OPCML: variants seen among roughly 807,000 people sequenced by gnomAD.
OPCML encodes opioid binding protein/cell adhesion molecule like.
OPCML carries 13 observed loss-of-function variants against 37.8 expected under a neutral mutation model. The observed-to-expected ratio is 0.34, with a 90% CI of 0.22 to 0.55. OPCML has a LOEUF of 0.55. Ranked by LOEUF, OPCML falls within the 20% of genes least tolerant of loss-of-function variation. The pLI is 0.91. For missense variants in OPCML, 341 were observed against 435.6 expected (o/e 0.78, Z 1.93); for synonymous variants, 176 against 168.8 (o/e 1.04, Z -0.33).
chr11:132,689,807 G>T (rs887090588), intron 2 of OPCML, among the ~76,000 whole-genome samples: 1 of 152,114 alleles, frequency 6.6e-6, no homozygotes, highest in Non-Finnish European at 1.5e-5. Context: ...TACATCAATG[G>T]AAAGAATGGG....
chr11:133,104,665 T>A (rs1949131557), intron 1 of OPCML, among the ~76,000 whole-genome samples: 1 of 152,222 alleles, frequency 6.6e-6, no homozygotes, highest in Admixed American at 6.5e-5. Flanking sequence ...TCAGCTGGTG[T>A]TAGGTTTTAT....
chr11:132,653,853 C>A (rs1386860493), intron 3 of OPCML, among the ~76,000 whole-genome samples: 1 of 152,152 alleles, frequency 6.6e-6, no homozygotes, highest in Non-Finnish European at 1.5e-5. Flanking sequence ...TACATAAACA[C>A]CTTTTGTTTT....
chr11:133,124,396 A>G (rs1949468452), intron 1 of OPCML, among the ~76,000 whole-genome samples: 1 of 152,114 alleles, frequency 6.6e-6, no homozygotes, highest in Admixed American at 6.5e-5. Context: ...AGGGCACCCT[A>G]GACCCATCTT....
intron 1 of OPCML, among the ~76,000 whole-genome samples, chr11:133,203,117 G>A (rs920683843): frequency 5.9e-5 from 9 of 152,284 alleles, no homozygotes; most frequent in African/African-American, 2.2e-4. Flanking sequence ...TGCCCGAGAT[G>A]ATAAATAACA....
intron 3 of OPCML, among the ~76,000 whole-genome samples, chr11:132,537,414 T>C (rs1348514921): frequency 6.6e-6 from 1 of 152,156 alleles, no homozygotes. Context: ...CCCTACTTCA[T>C]ACCATATACA....
chr11:133,531,001 TA>T (rs1195319146), intron 1 of OPCML, among the ~76,000 whole-genome samples: 1 of 152,234 alleles, frequency 6.6e-6, no homozygotes, highest in Non-Finnish European at 1.5e-5. Flanking sequence ...GGTAAGGTTT[TA>T]AAATCTTAGC....
chr11:132,976,643 G>T (rs1946471007), intron 1 of OPCML, among the ~76,000 whole-genome samples: 1 of 152,120 alleles, frequency 6.6e-6, no homozygotes, highest in African/African-American at 2.4e-5. Context: ...AAATTAGCAA[G>T]GACTCCATTG....
intron 1 of OPCML, among the ~76,000 whole-genome samples, chr11:133,168,003 A>C (rs1226264071): frequency 1.3e-5 from 2 of 152,136 alleles, no homozygotes; most frequent in Non-Finnish European, 1.5e-5. Flanking sequence ...ATCTTTCTGC[A>C]TTTTTATAAT....
At chr11:133,477,162 T>C (rs918707561) in intron 1 of OPCML, among the ~76,000 whole-genome samples, 2 of 151,652 alleles carry the variant, frequency 1.3e-5, no homozygotes, top group Non-Finnish European at 1.5e-5. Context: ...TACAGTTGTT[T>C]TTCCCCCCAC....
chr11:132,469,674 G>C (rs1477349908), intron 4 of OPCML, among the ~76,000 whole-genome samples: 1 of 135,636 alleles, frequency 7.4e-6, no homozygotes, highest in Non-Finnish European at 1.6e-5. Context: ...GTGTATGTGT[G>C]TGTATATGTG....
intron 2 of OPCML, among the ~76,000 whole-genome samples, chr11:132,747,622 C>T (rs1945677866): frequency 6.6e-6 from 1 of 152,138 alleles, no homozygotes; most frequent in Admixed American, 6.6e-5. Flanking sequence ...CTTCCTCAGT[C>T]CTCAGACACT....
chr11:132,551,896 A>G (rs779736509), intron 3 of OPCML, among the ~76,000 whole-genome samples: 1 of 152,142 alleles, frequency 6.6e-6, no homozygotes, highest in Non-Finnish European at 1.5e-5. Flanking sequence ...GTCTTGATAA[A>G]TTGGCTCTGT....
chr11:133,083,712 G>A (rs143270701), intron 1 of OPCML, among the ~76,000 whole-genome samples: 5 of 152,198 alleles, frequency 3.3e-5, no homozygotes, highest in African/African-American at 1.2e-4. Context: ...CCACTGGGGA[G>A]AGACCACATC....
chr11:133,267,748 C>T (rs964821746), intron 1 of OPCML, among the ~76,000 whole-genome samples: 3 of 152,066 alleles, frequency 2.0e-5, no homozygotes, highest in Non-Finnish European at 2.9e-5. Flanking sequence ...GTGGATGGGT[C>T]TTTCCCGTGC....
intron 2 of OPCML, among the ~76,000 whole-genome samples, chr11:132,785,041 C>G (rs1370477523): frequency 1.3e-5 from 2 of 152,176 alleles, no homozygotes; most frequent in Non-Finnish European, 2.9e-5. Context: ...ACATAATACT[C>G]CCAGAGGTTA....
At chr11:132,987,638 A>G (rs1255402557) in intron 1 of OPCML, among the ~76,000 whole-genome samples, 1 of 152,212 alleles carries the variant, frequency 6.6e-6, no homozygotes, top group African/African-American at 2.4e-5. Flanking sequence ...TTAGGGGGCA[A>G]GAGTGGAGAC....
At chr11:133,384,247 C>CAAAAAAAAAAAAAAAAAAAAA (rs1186998875) in intron 1 of OPCML, among the ~76,000 whole-genome samples, 1 of 71,242 alleles carries the variant, frequency 1.4e-5, no homozygotes, top group Non-Finnish European at 3.0e-5. Flanking sequence ...GGCCACTGTG[C>CAAAAAAAAAAAAAAAAAAAAA]AAAAAAAAAA....
intron 1 of OPCML, among the ~76,000 whole-genome samples, chr11:133,314,691 C>T (rs886385464): frequency 2.0e-5 from 3 of 152,170 alleles, no homozygotes; most frequent in Non-Finnish European, 4.4e-5. Context: ...TTATCAGCAG[C>T]CCTCGACTCA....
At chr11:132,686,507 T>A (rs1943163090) in intron 2 of OPCML, among the ~76,000 whole-genome samples, 1 of 152,206 alleles carries the variant, frequency 6.6e-6, no homozygotes, top group African/African-American at 2.4e-5. Flanking sequence ...AAATCCCTTC[T>A]TCTCATGTAA....
Sources: gnomAD v4.1 joint callset for allele counts (sites outside exome capture counted in the v4.1 genomes callset) on GRCh38, gnomAD v4.1.1 for gene constraint, MANE v1.5 for transcripts, NCBI Gene and HGNC (gene_info 2026-07-23, HGNC 2026-07-21) for gene names.